The following MAP1LC3B variants were observed in gnomAD, a reference collection of about 807,000 sequenced individuals.
MAP1LC3B encodes the protein microtubule-associated protein 1 light chain 3 beta.
In MAP1LC3B, 12 loss-of-function variants were observed where a neutral mutation model predicts 16.7. That is an observed-to-expected ratio of 0.72 (90% CI 0.46 to 1.16). The LOEUF (loss-of-function observed/expected upper bound fraction) is 1.16. Among genes scored for constraint, MAP1LC3B ranks in the 50% most tolerant of loss-of-function variants. MAP1LC3B has a pLI of 0.00. For missense variants in MAP1LC3B, 155 were observed against 159.5 expected, an observed-to-expected ratio of 0.97 and a Z score of 0.15; for synonymous variants, 63 against 56.5, an observed-to-expected ratio of 1.11 and a Z score of -0.51.
chr16:87,394,274 G>A (rs1397593714), intron 1 of MAP1LC3B, among the ~76,000 whole-genome samples: 2 of 56,128 alleles, frequency 3.6e-5, no homozygotes, highest in Non-Finnish European at 7.4e-5. Context: ...TCTGATTTTG[G>A]TAATTAAAAA....
chr16:87,398,635 A>T lies in MAP1LC3B; in HGVS notation c.41-180A>T, dbSNP rs933092823. On this transcript the variant is annotated intron_variant, in intron 1 of 3. Coordinates refer to ENST00000268607, the MANE Select transcript of MAP1LC3B (RefSeq NM_022818.5). ...TATGTTATGTTGCTCTTGGCCTTAG[A>T]TACAAACCTTTATCAGGTTTGAAGT... Among the ~76,000 whole-genome samples, 7 of 152,178 alleles carry T rather than the reference A, an allele frequency of 4.6e-5. 1 individual carries two copies. The highest frequency in any genetic ancestry group is 1.7e-4 in the African/African-American group (7 of 41,444).
At position 87,403,041 on chromosome 16, in the gene MAP1LC3B, T is replaced by C; in HGVS notation, c.322T>C (p.Phe108Leu). The change falls in exon 4 of 4, where the codon TTC becomes CTC. Residue 108 changes from phenylalanine (F) to leucine (L), a missense_variant. Coordinates refer to ENST00000268607, the MANE Select transcript of MAP1LC3B (RefSeq NM_022818.5). ...VYESEKDEDG[F>L]LYMVYASQET... ...TGAGAGTGAGAAAGATGAAGATGGATTCCTGTACATGGTCTATGCCTCCCA... is the reference window on the plus strand; with the variant it reads ...TGAGAGTGAGAAAGATGAAGATGGACTCCTGTACATGGTCTATGCCTCCCA... 6.2e-7 allele frequency: 1 copy of C among 1,614,178 alleles called. No individual in the cohort carries two copies. The highest frequency in any genetic ancestry group is 8.5e-7 in the Non-Finnish European group (1 of 1,180,036).
rs577972595 is a variant in MAP1LC3B at position 87,401,012 on chromosome 16, A to C, written c.97-1163A>C. On this transcript the variant is annotated intron_variant, in intron 2 of 3. Transcript: ENST00000268607. Reference sequence around the variant, plus strand: ...GCTGGGCGTGGTGGCGGGTGCCTGTAATCCCAGCTACTCAGGAGGCTGAGG... The same window carrying C: ...GCTGGGCGTGGTGGCGGGTGCCTGTCATCCCAGCTACTCAGGAGGCTGAGG... Among the ~76,000 whole-genome samples, 5 of 151,964 alleles carry C rather than the reference A, an allele frequency of 3.3e-5. No individual in the cohort carries two copies. The East Asian group carries it at 9.7e-4, about 29-fold the overall frequency.
At chr16:87,402,534 G>A (rs953373059) in intron 3 of MAP1LC3B, 10 of 557,824 alleles carry the variant, frequency 1.8e-5, no homozygotes, top group African/African-American at 1.7e-4. Context: ...GATGTTTCCT[G>A]TTTAAAATCA....
intron 1 of MAP1LC3B, 58 bp downstream of exon 1, chr16:87,392,525 G>A: frequency 2.4e-6 from 3 of 1,253,312 alleles, no homozygotes; most frequent in Non-Finnish European, 2.0e-6. Flanking sequence ...GCTGTGGAGG[G>A]CGGCAGGGCC....
intron 1 of MAP1LC3B, 187 bp downstream of exon 1, chr16:87,392,654 A>C: frequency 2.9e-6 from 1 of 345,664 alleles, no homozygotes. Flanking sequence ...GCCGGGACCG[A>C]GCCGGGAGGG....
chr16:87,401,713 A>G (rs918843880), intron 2 of MAP1LC3B, among the ~76,000 whole-genome samples: 1 of 152,088 alleles, frequency 6.6e-6, no homozygotes, highest in African/African-American at 2.4e-5. Flanking sequence ...TATTTTTAGT[A>G]GAGTCGGGGT....
intron 3 of MAP1LC3B, chr16:87,402,617 A>G (rs4843607): frequency 0.91 from 478,367 of 527,506 alleles, 226,721 homozygotes; most frequent in East Asian, 1. Context: ...GTGGCAGTAA[A>G]TGGCACAGGC....
At chr16:87,401,836 CTT>C (rs550535300) in intron 2 of MAP1LC3B, among the ~76,000 whole-genome samples, 7 of 141,450 alleles carry the variant, frequency 4.9e-5, no homozygotes, top group Admixed American at 7.1e-5. Flanking sequence ...AGCCTGATGA[CTT>C]TTTTTTTTTT....
At position 87,400,747 on chromosome 16, in the gene MAP1LC3B, A is replaced by G. The variant is rs1490589801; in HGVS notation, c.97-1428A>G. On this transcript the variant is annotated intron_variant, in intron 2 of 3. Transcript: ENST00000268607. ...TGGATGAAAGGTTTTTATGTTTCCC[A>G]GGTGGGCCTGGAACGCATAGCCTCA... is the stretch of plus-strand genomic sequence containing the variant. Among the ~76,000 whole-genome samples the G allele has an allele frequency of 2.0e-5, 3 of 150,596 alleles. No individual in the cohort carries two copies. In the East Asian group the frequency reaches 5.8e-4, roughly 29 times the overall value.
chr16:87,398,530 C>G (rs1324578367), intron 1 of MAP1LC3B, among the ~76,000 whole-genome samples: 2 of 152,146 alleles, frequency 1.3e-5, no homozygotes, highest in Non-Finnish European at 2.9e-5. Flanking sequence ...TATGTCTGAC[C>G]ACAAACTTTG....
rs1226617884 is a variant in MAP1LC3B at position 87,397,315 on chromosome 16, A to T, written c.41-1500A>T. Among the ~76,000 whole-genome samples, 3 of 152,154 alleles carry T rather than the reference A, an allele frequency of 2.0e-5. No individual in the cohort carries two copies. The South Asian group carries it at 6.2e-4, about 32-fold the overall frequency. On this transcript the variant is annotated intron_variant, in intron 1 of 3. Transcript: ENST00000268607. Reference sequence around the variant, plus strand: ...GAACACAGGAATTTTAAAAGTTTTTATAAAGAGTGATACTAAAATTGGGCT... The same window carrying T: ...GAACACAGGAATTTTAAAAGTTTTTTTAAAGAGTGATACTAAAATTGGGCT...
Position 87,403,509 on chromosome 16 carries a change from G to T in MAP1LC3B, c.*412G>T, listed in dbSNP as rs1908070004. 6.1e-6 allele frequency: 1 copy of T among 164,652 alleles called. No individual in the cohort carries two copies. The highest frequency in any genetic ancestry group is 1.6e-4 in the South Asian group (1 of 6,180). The allele number at this position is 164,652 out of a possible 1,614,324, so 10.2% of individuals were successfully genotyped here. A position where few individuals can be genotyped will look rare whatever the true frequency, so the allele number is the denominator to read the frequency against. On this transcript the variant is annotated 3_prime_UTR_variant, in exon 4 of 4. Transcript: ENST00000268607. ...GGTTCACAAAACCCGCCGCCTTTTT[G>T]GGTAGAAGTTTTCTACTCAGCTAGA...
intron 1 of MAP1LC3B, chr16:87,396,804 T>A: frequency 6.6e-6 from 1 of 152,138 alleles, no homozygotes; most frequent in African/African-American, 2.4e-5. Context: ...CTGTTAACAA[T>A]AGCGAAATTT....
At chr16:87,393,781 C>G (rs1456714306) in intron 1 of MAP1LC3B, among the ~76,000 whole-genome samples, 1 of 152,152 alleles carries the variant, frequency 6.6e-6, no homozygotes, top group East Asian at 1.9e-4. Flanking sequence ...CACTCTGTCA[C>G]CTGGGCTGGA....
chr16:87,402,332 T>C (rs780453183), intron 3 of MAP1LC3B, 51 bp downstream of exon 3: 8 of 1,520,584 alleles, frequency 5.3e-6, no homozygotes, highest in Non-Finnish European at 7.2e-6. Context: ...TAACTTCTTA[T>C]TCTTTATGAA....
intron 2 of MAP1LC3B, chr16:87,399,086 G>T: frequency 3.7e-6 from 2 of 542,220 alleles, no homozygotes; most frequent in South Asian, 2.1e-5. Context: ...GCTCAGTGCA[G>T]TCTCAGCCAC....
chr16:87,402,129 C>T (rs1446923151), intron 2 of MAP1LC3B, 46 bp from the exon 3 acceptor site: 1 of 1,607,280 alleles, frequency 6.2e-7, no homozygotes, highest in South Asian at 1.1e-5. Context: ...GCCACCGCGC[C>T]TGGCCCTGAT....
chr16:87,392,476 C>G lies in MAP1LC3B; in HGVS notation c.40+9C>G. ...GCAGCGCCGCACCTTCGGTGAGTGT[C>G]GCCGCGAGGGCGGCGGGTGCGGCGG... is the stretch of plus-strand genomic sequence containing the variant. On this transcript the variant is annotated intron_variant, in intron 1 of 3. Transcript: ENST00000268607. 7.6e-7 allele frequency: 1 copy of G among 1,317,954 alleles called. No individual in the cohort carries two copies. Among genetic ancestry groups the G allele is most frequent in the East Asian group, 3.1e-5 (1 of 31,978 alleles). The allele number at this position is 1,317,954 out of a possible 1,614,324, so 81.6% of individuals were successfully genotyped here.
Sources: gnomAD v4.1 joint callset for allele counts (sites outside exome capture counted in the v4.1 genomes callset) on GRCh38, gnomAD v4.1.1 for gene constraint, MANE v1.5 for transcripts, NCBI Gene and HGNC (gene_info 2026-07-23, HGNC 2026-07-21) for gene names.